Variants in CNIH3 observed in about 807,000 individuals in gnomAD.
CNIH3 encodes the protein cornichon family AMPA receptor auxiliary protein 3.
Under a neutral mutation model 24.1 loss-of-function variants are expected in CNIH3, and 14 were observed. The observed-to-expected ratio is 0.58, with a 90% confidence interval of 0.38 to 0.91. The LOEUF (loss-of-function observed/expected upper bound fraction) is 0.91, where lower values mean the gene tolerates loss of function less well. Among genes scored for constraint, CNIH3 ranks in the 40% least tolerant of loss-of-function variants. The pLI is 0.00. For missense variants in CNIH3, 178 were observed against 196.8 expected (o/e 0.90, Z 0.57); for synonymous variants, 68 against 73.8 (o/e 0.92, Z 0.40).
chr1:224,496,823 T>A (rs1411586462), intron 1 of CNIH3, among the ~76,000 whole-genome samples: 1 of 152,242 alleles, frequency 6.6e-6, no homozygotes, highest in African/African-American at 2.4e-5. Context: ...CCATAGCTGA[T>A]ACTCATTTCT....
Position 224,684,144 on chromosome 1 carries a change from G to A in CNIH3, c.151-652G>A, listed in dbSNP as rs1274272686. ...GTCACTGAAGGAAAAGGGAGGCAACGGCATTTAGTGCACGATGCGGGCATC... is the reference window on the plus strand; with the variant it reads ...GTCACTGAAGGAAAAGGGAGGCAACAGCATTTAGTGCACGATGCGGGCATC... On this transcript the variant is annotated intron_variant, in intron 2 of 5. Transcript: ENST00000272133. The surrounding 1 kb of genome is among the most constrained non-coding windows in gnomAD (Gnocchi z 4.2). Among the ~76,000 whole-genome samples the A allele has an allele frequency of 9.9e-5, 15 of 152,160 alleles. No individual in the cohort carries two copies. The highest frequency in any genetic ancestry group is 3.4e-4 in the African/African-American group (14 of 41,430).
At chr1:224,584,622 T>A (rs952381402) in intron 5 of CNIH3, among the ~76,000 whole-genome samples, 8 of 152,256 alleles carry the variant, frequency 5.3e-5, no homozygotes, top group African/African-American at 1.4e-4. Context: ...AACTTGAATT[T>A]GATGCAGAAA....
chr1:224,676,003 G>A (rs1572703964), intron 1 of CNIH3, among the ~76,000 whole-genome samples: 1 of 152,180 alleles, frequency 6.6e-6, no homozygotes, highest in African/African-American at 2.4e-5. Flanking sequence ...TTTCTCCAAG[G>A]AAATTGAAAA....
chr1:224,581,328 A>T (rs1017094221), intron 4 of CNIH3, among the ~76,000 whole-genome samples: 1 of 152,188 alleles, frequency 6.6e-6, no homozygotes, highest in Admixed American at 6.5e-5. Flanking sequence ...CATTTCTTGA[A>T]GTAAAAAAGG....
intron 5 of CNIH3, among the ~76,000 whole-genome samples, chr1:224,737,804 C>T (rs1180813996): frequency 6.6e-6 from 1 of 152,184 alleles, no homozygotes; most frequent in African/African-American, 2.4e-5. Context: ...TTCTTCTATC[C>T]TGTTTGAACC....
At chr1:224,471,500 G>A (rs189168050) in intron 1 of CNIH3, among the ~76,000 whole-genome samples, 80 of 152,072 alleles carry the variant, frequency 5.3e-4, no homozygotes, top group African/African-American at 1.7e-3. Context: ...GTAAGAATAC[G>A]CAAAGTTTGT....
At position 224,498,066 on chromosome 1, in the gene CNIH3, A is replaced by AG. The variant is rs1022298905; in HGVS notation, n.204-17670dup. ...CACTGTGCAAAGGGAGGGCAGGGAG[A>AG]GGGGGAAGTTATTCTGCAGCAGCAG... On this transcript the variant is annotated intron_variant and non_coding_transcript_variant, in intron 1 of 5. Coordinates refer to the CNIH3 transcript ENST00000471578. Among the ~76,000 whole-genome samples the AG allele has an allele frequency of 1.2e-3, 181 of 152,262 alleles. 1 individual carries two copies. The highest frequency in any genetic ancestry group is 4.3e-3 in the African/African-American group (177 of 41,542).
intron 1 of CNIH3, among the ~76,000 whole-genome samples, chr1:224,504,667 C>T (rs895561985): frequency 2.0e-5 from 3 of 152,154 alleles, no homozygotes; most frequent in African/African-American, 7.2e-5. Flanking sequence ...TCTCCTGTGA[C>T]TTAGTTGTAA....
intron 1 of CNIH3, among the ~76,000 whole-genome samples, chr1:224,442,013 ATTTTTTTT>A (rs1167622615): frequency 2.5e-5 from 3 of 119,996 alleles, no homozygotes; most frequent in African/African-American, 9.6e-5. Context: ...GATTCCCTTA[ATTTTTTTT>A]TTTTTTTTTT....
intron 2 of CNIH3, among the ~76,000 whole-genome samples, chr1:224,683,204 A>G (rs1442540053): frequency 6.6e-6 from 1 of 152,334 alleles, no homozygotes; most frequent in African/African-American, 2.4e-5. Flanking sequence ...TATTAAAGGC[A>G]TACTTCTAAT....
intron 1 of CNIH3, among the ~76,000 whole-genome samples, chr1:224,461,199 T>C (rs978980463): frequency 1.3e-5 from 2 of 151,894 alleles, no homozygotes; most frequent in African/African-American, 4.8e-5. Flanking sequence ...GACGGGGTTT[T>C]TCCATGTTGG....
chr1:224,679,207 G>A (rs985767146), intron 1 of CNIH3, among the ~76,000 whole-genome samples: 2 of 151,720 alleles, frequency 1.3e-5, no homozygotes, highest in Non-Finnish European at 2.9e-5. Flanking sequence ...GTACATGGTG[G>A]CACACGCCTG....
chr1:224,730,428 C>G lies in CNIH3; in HGVS notation c.199-34C>G, dbSNP rs758729503. 5.0e-5 allele frequency: 70 copies of G among 1,413,914 alleles called. No homozygotes were observed. In the South Asian group the frequency reaches 8.6e-4, roughly 17 times the overall value. The allele number at this position is 1,413,914 out of a possible 1,614,324, so 87.6% of individuals were successfully genotyped here. On this transcript the variant is annotated intron_variant, in intron 3 of 5. Transcript: ENST00000272133. Reference sequence around the variant, plus strand: ...GAAGCAGGAGTGGCGTTTTCCTCCTCTAACTCAGGGCCGTGTCTCTGCTCC... The same window carrying G: ...GAAGCAGGAGTGGCGTTTTCCTCCTGTAACTCAGGGCCGTGTCTCTGCTCC...
intron 1 of CNIH3, among the ~76,000 whole-genome samples, chr1:224,625,001 C>T (rs1480796234): frequency 6.6e-6 from 1 of 152,134 alleles, no homozygotes; most frequent in Non-Finnish European, 1.5e-5. Context: ...GTCCTCTGAA[C>T]CTGTCCCCAG....
chr1:224,499,001 G>A (rs1224809230), intron 1 of CNIH3, among the ~76,000 whole-genome samples: 2 of 152,234 alleles, frequency 1.3e-5, no homozygotes, highest in African/African-American at 2.4e-5. Context: ...CAGAGGGCTG[G>A]GAACCCATGC....
intron 1 of CNIH3, among the ~76,000 whole-genome samples, chr1:224,463,773 ATTTTTTTTTTTT>A (rs56137320): frequency 2.9e-4 from 6 of 20,706 alleles, no homozygotes; most frequent in African/African-American, 1.3e-3. Flanking sequence ...AATTGTCCTC[ATTTTTTTTTTTT>A]TTTTTTTTTT....
chr1:224,555,597 T>C (rs1216688627), intron 3 of CNIH3, among the ~76,000 whole-genome samples: 1 of 152,264 alleles, frequency 6.6e-6, no homozygotes, highest in African/African-American at 2.4e-5. Flanking sequence ...TCACCCACAC[T>C]TGGAATTCTT....
intron 3 of CNIH3, among the ~76,000 whole-genome samples, chr1:224,556,154 A>G (rs145034454): frequency 6.7e-6 from 1 of 149,882 alleles, no homozygotes; most frequent in Non-Finnish European, 1.5e-5. Context: ...AGAACCTGCC[A>G]TGCCTATAGC....
At chr1:224,738,557 A>G (rs949985407) in intron 5 of CNIH3, among the ~76,000 whole-genome samples, 2 of 152,206 alleles carry the variant, frequency 1.3e-5, no homozygotes, top group African/African-American at 2.4e-5. Context: ...TACTTCTTAG[A>G]TGAATCTTTT....
Sources: gnomAD v4.1 joint callset for allele counts (sites outside exome capture counted in the v4.1 genomes callset) on GRCh38, gnomAD v4.1.1 for gene constraint, Gnocchi (gnomAD v3.1) non-coding constraint, MANE v1.5 for transcripts, NCBI Gene and HGNC (gene_info 2026-07-23, HGNC 2026-07-21) for gene names.